Variants in RFX3 observed in about 807,000 individuals in gnomAD.
RFX3 encodes the protein regulatory factor X3, also known as transcription factor RFX3.
A neutral mutation model predicts 98.6 loss-of-function variants in RFX3; 14 were observed. That is an observed-to-expected ratio of 0.14 (90% CI 0.09 to 0.22). RFX3 has a LOEUF of 0.22. Ranked by LOEUF, RFX3 falls within the 10% of genes least tolerant of loss-of-function variation. RFX3 has a pLI of 1.00. For synonymous variants in RFX3, 383 were observed against 328.4 expected, an observed-to-expected ratio of 1.17 and a Z score of -1.80; for missense variants, 639 against 926.9, an observed-to-expected ratio of 0.69 and a Z score of 4.03.
intron 2 of RFX3, among the ~76,000 whole-genome samples, chr9:3,375,757 G>A (rs1194326105): frequency 2.0e-5 from 3 of 152,148 alleles, no homozygotes; most frequent in Non-Finnish European, 2.9e-5. Flanking sequence ...TCAGGAGATC[G>A]AGACCATCCT....
intron 2 of RFX3, among the ~76,000 whole-genome samples, chr9:3,379,883 T>G (rs1422386280): frequency 9.1e-3 from 1 of 110 alleles, no homozygotes; most frequent in Non-Finnish European, 0.028. Flanking sequence ...ATGGGCAATT[T>G]ATTTATTTAT....
chr9:3,251,269 C>A (rs949262554), intron 14 of RFX3, among the ~76,000 whole-genome samples: 13 of 152,042 alleles, frequency 8.6e-5, no homozygotes, highest in African/African-American at 3.1e-4. Context: ...TTTTATTTAA[C>A]CCAAAAAGAA....
At chr9:3,315,794 G>C (rs893029013) in intron 4 of RFX3, among the ~76,000 whole-genome samples, 7 of 152,170 alleles carry the variant, frequency 4.6e-5, no homozygotes, top group East Asian at 3.9e-4. Context: ...ATAAATTCCT[G>C]GACACATACA....
In RFX3 at chr9:3,424,416, C is replaced by T. The variant is rs1353249483; in HGVS notation, c.-8-28820G>A. ...TCGCTCTGTCGCCCAGGCTGGAGTGCAGTGGCGCGATCTCGACTCACTGCA... is the reference window on the plus strand; with the variant it reads ...TCGCTCTGTCGCCCAGGCTGGAGTGTAGTGGCGCGATCTCGACTCACTGCA... On this transcript the variant is annotated intron_variant, in intron 1 of 16. Coordinates refer to ENST00000617270, the MANE Select transcript of RFX3 (RefSeq NM_001282116.2). Among the ~76,000 whole-genome samples the T allele has an allele frequency of 1.5e-4, 18 of 118,226 alleles. No individual in the cohort carries two copies. The South Asian group carries it at 1.8e-3, about 12-fold the overall frequency. 77.6% of individuals were successfully genotyped at this position (118,226 alleles called of 152,430 possible).
chr9:3,356,858 C>A (rs1835828538), intron 2 of RFX3, among the ~76,000 whole-genome samples: 1 of 151,418 alleles, frequency 6.6e-6, no homozygotes. Flanking sequence ...ACCATATTTA[C>A]AATATAAAAG....
At chr9:3,305,707 T>C (rs1829217618) in intron 4 of RFX3, among the ~76,000 whole-genome samples, 1 of 152,064 alleles carries the variant, frequency 6.6e-6, no homozygotes, top group Non-Finnish European at 1.5e-5. Context: ...GGTAGTTTTA[T>C]GCATATGGGG....
chr9:3,229,491 G>C (rs763734705), intron 15 of RFX3, among the ~76,000 whole-genome samples: 1 of 152,216 alleles, frequency 6.6e-6, no homozygotes, highest in Non-Finnish European at 1.5e-5. Context: ...CCAACAAAGA[G>C]AGCTTGAAAC....
chr9:3,462,877 T>G (rs1847826743), intron 1 of RFX3, among the ~76,000 whole-genome samples: 1 of 152,076 alleles, frequency 6.6e-6, no homozygotes, highest in Admixed American at 6.5e-5. Context: ...GCAAGAATTA[T>G]CCACTAAAAA....
chr9:3,242,357 T>C (rs1820054766), intron 15 of RFX3, among the ~76,000 whole-genome samples: 1 of 152,092 alleles, frequency 6.6e-6, no homozygotes, highest in South Asian at 2.1e-4. Flanking sequence ...CAGTATAATT[T>C]TTGACAAGTA....
intron 1 of RFX3, among the ~76,000 whole-genome samples, chr9:3,446,339 C>T (rs1045828215): frequency 6.6e-6 from 1 of 152,004 alleles, no homozygotes; most frequent in African/African-American, 2.4e-5. Flanking sequence ...TACTATCTGT[C>T]CTACTTGTGT....
chr9:3,243,231 G>C (rs936376703), intron 15 of RFX3, among the ~76,000 whole-genome samples: 1 of 150,946 alleles, frequency 6.6e-6, no homozygotes, highest in South Asian at 2.1e-4. Flanking sequence ...TTTCACCACT[G>C]CCAGAAAGCT....
chr9:3,389,659 C>T (rs768720755), intron 2 of RFX3, among the ~76,000 whole-genome samples: 43 of 152,102 alleles, frequency 2.8e-4, no homozygotes, highest in Admixed American at 1.4e-3. Flanking sequence ...ATTCCACACC[C>T]GACCTCAAGT....
intron 1 of RFX3, among the ~76,000 whole-genome samples, chr9:3,445,687 A>G (rs773896438): frequency 1.3e-5 from 2 of 152,142 alleles, no homozygotes; most frequent in Non-Finnish European, 2.9e-5. Context: ...TTCGTGCCTT[A>G]TAATTCCTTA....
chr9:3,474,868 A>G (rs10972183), intron 1 of RFX3, among the ~76,000 whole-genome samples: 28,603 of 152,038 alleles, frequency 0.19, 5,206 homozygotes, highest in East Asian at 0.47. Context: ...AGGCCAAGGA[A>G]GGAGAATCAC....
intron 7 of RFX3, among the ~76,000 whole-genome samples, chr9:3,284,676 T>C (rs998632313): frequency 2.0e-5 from 3 of 151,706 alleles, no homozygotes; most frequent in Non-Finnish European, 4.4e-5. Context: ...CCACAAACTG[T>C]TGTACTGAAT....
At chr9:3,446,390 A>G (rs764182775) in intron 1 of RFX3, among the ~76,000 whole-genome samples, 2 of 152,092 alleles carry the variant, frequency 1.3e-5, no homozygotes, top group East Asian at 3.9e-4. Context: ...AGTAAAGGTA[A>G]TATATAATTT....
chr9:3,240,046 T>A (rs552365341), intron 15 of RFX3, among the ~76,000 whole-genome samples: 55 of 152,308 alleles, frequency 3.6e-4, no homozygotes, highest in African/African-American at 1.3e-3. Context: ...CACAAAGCTG[T>A]TCATAATATA....
chr9:3,402,272 G>T (rs901616511), intron 1 of RFX3, among the ~76,000 whole-genome samples: 1 of 152,112 alleles, frequency 6.6e-6, no homozygotes, highest in African/African-American at 2.4e-5. Context: ...TACACTTACT[G>T]TATTATTTTT....
chr9:3,242,936 G>T (rs1370560555), intron 15 of RFX3, among the ~76,000 whole-genome samples: 1 of 151,796 alleles, frequency 6.6e-6, no homozygotes, highest in Non-Finnish European at 1.5e-5. Flanking sequence ...ATGATTAAAA[G>T]AATTGATATA....
Sources: gnomAD v4.1 joint callset for allele counts (sites outside exome capture counted in the v4.1 genomes callset) on GRCh38, gnomAD v4.1.1 for gene constraint, MANE v1.5 for transcripts, NCBI Gene and HGNC (gene_info 2026-07-23, HGNC 2026-07-21) for gene names.